The following EPHA7 variants were observed in gnomAD, a reference collection of about 807,000 sequenced individuals.
The protein encoded by EPHA7 is EPH receptor A7.
Under a neutral mutation model 112.6 loss-of-function variants are expected in EPHA7, and 25 were observed. That is an observed-to-expected ratio of 0.22 (90% CI 0.16 to 0.31). The LOEUF is 0.31. Among genes scored for constraint, EPHA7 ranks in the 10% least tolerant of loss-of-function variants. The pLI is 1.00. For synonymous variants in EPHA7, 437 were observed against 406.5 expected (o/e 1.07, Z -0.90); for missense variants, 962 against 1,212.6 (o/e 0.79, Z 3.07).
At chr6:93,370,653 C>A (rs1776742329) in intron 3 of EPHA7, among the ~76,000 whole-genome samples, 1 of 152,156 alleles carries the variant, frequency 6.6e-6, no homozygotes, top group Non-Finnish European at 1.5e-5. Context: ...TATATTCACA[C>A]ACCCTTCTGT....
chr6:93,351,909 C>T (rs956344557), intron 5 of EPHA7, among the ~76,000 whole-genome samples: 12 of 151,966 alleles, frequency 7.9e-5, no homozygotes, highest in South Asian at 6.2e-4. Flanking sequence ...TACAATATGA[C>T]GAGTCAAATA....
At chr6:93,403,715 TTTAAATTGATATTTTAAG>T (rs1304354043) in intron 3 of EPHA7, among the ~76,000 whole-genome samples, 1 of 149,866 alleles carries the variant, frequency 6.7e-6, no homozygotes, top group Non-Finnish European at 1.5e-5. Flanking sequence ...ATACGTGGTA[TTTAAATTGATATTTTAAG>T]GAAAGGCAGA....
At chr6:93,310,037 G>A (rs931041511) in intron 5 of EPHA7, among the ~76,000 whole-genome samples, 1 of 152,100 alleles carries the variant, frequency 6.6e-6, no homozygotes, top group African/African-American at 2.4e-5. Flanking sequence ...GCTTTATCAG[G>A]CATCTAGCAA....
At chr6:93,272,657 G>GT (rs1310370436) in intron 5 of EPHA7, among the ~76,000 whole-genome samples, 2 of 151,918 alleles carry the variant, frequency 1.3e-5, no homozygotes, top group African/African-American at 4.8e-5. Context: ...CATTGTTCAA[G>GT]TTAGTGAAAA....
At chr6:93,267,847 A>T (rs1280570044) in intron 7 of EPHA7, among the ~76,000 whole-genome samples, 1 of 151,728 alleles carries the variant, frequency 6.6e-6, no homozygotes. Flanking sequence ...AAACTTTTGA[A>T]ATCTAAAAGT....
intron 1 of EPHA7, among the ~76,000 whole-genome samples, chr6:93,416,409 T>C (rs1477530878): frequency 6.6e-6 from 1 of 152,108 alleles, no homozygotes; most frequent in African/African-American, 2.4e-5. Context: ...TTTCTGAGAG[T>C]GAAATAAACA....
rs1411865830 is a variant in EPHA7, at chr6:93,274,576, A to G, written c.1325-2154T>C. 2.0e-5 allele frequency among the ~76,000 whole-genome samples: 3 copies of G among 152,034 alleles called. No individual in the cohort carries two copies. The East Asian group carries it at 5.8e-4, about 30-fold the overall frequency. Reference sequence around the variant, plus strand: ...TGCTGCAACGTATTTTCCCTTTTGCACAGGATCCATATCTGTAAGTGAATA... The same window carrying G: ...TGCTGCAACGTATTTTCCCTTTTGCGCAGGATCCATATCTGTAAGTGAATA... On this transcript the variant is annotated intron_variant, in intron 5 of 16. Coordinates refer to ENST00000369303, the MANE Select transcript of EPHA7 (RefSeq NM_004440.4).
intron 5 of EPHA7, among the ~76,000 whole-genome samples, chr6:93,339,499 T>C (rs1562107833): frequency 1.3e-5 from 2 of 151,820 alleles, no homozygotes; most frequent in Non-Finnish European, 3.0e-5. Context: ...AAACATTTTT[T>C]CATATATTGC....
chr6:93,251,039 A>G (rs1370652223), intron 14 of EPHA7, among the ~76,000 whole-genome samples: 5 of 152,106 alleles, frequency 3.3e-5, no homozygotes, highest in Admixed American at 2.6e-4. Flanking sequence ...TAATAACTCA[A>G]AATGGCATAT....
intron 2 of EPHA7, among the ~76,000 whole-genome samples, chr6:93,413,359 G>A (rs1173670918): frequency 6.6e-6 from 1 of 151,818 alleles, no homozygotes; most frequent in African/African-American, 2.4e-5. Flanking sequence ...GTCATAATTT[G>A]TCATTTTGTG....
At position 93,333,108 on chromosome 6, in the gene EPHA7, T is replaced by G. The variant is rs540200063; in HGVS notation, c.1324+23609A>C. 5.3e-4 allele frequency among the ~76,000 whole-genome samples: 81 copies of G among 151,952 alleles called. 3 individuals carry two copies. In the South Asian group the frequency reaches 0.016, roughly 31 times the overall value. The stretch of plus-strand genomic sequence containing the variant: ...TGTCTCTCTGTACTCAGTGTTCAGC[T>G]TCCACTTGTAAGTGAGAACATGTAC... On this transcript the variant is annotated intron_variant, in intron 5 of 16. Coordinates refer to ENST00000369303, the MANE Select transcript of EPHA7 (RefSeq NM_004440.4).
At position 93,253,644 on chromosome 6, in the gene EPHA7, G is replaced by A. The variant is rs563803581; in HGVS notation, c.2532+1003C>T. On this transcript the variant is annotated intron_variant, in intron 14 of 16. Transcript: ENST00000369303. ...ATCTTCATTTCTAATTACCACAAGT[G>A]TACTACATCTCTGTTATAGAAAAGT... Among the ~76,000 whole-genome samples the A allele has an allele frequency of 7.2e-5, 11 of 152,068 alleles. No homozygotes were observed. The East Asian group carries it at 1.7e-3, about 24-fold the overall frequency.
intron 5 of EPHA7, among the ~76,000 whole-genome samples, chr6:93,279,722 A>G (rs1771640171): frequency 1.3e-5 from 2 of 152,170 alleles, no homozygotes; most frequent in East Asian, 3.8e-4. Context: ...CTTGTGTCAG[A>G]TGTACATCAA....
chr6:93,311,996 TA>T (rs1773565645), intron 5 of EPHA7, among the ~76,000 whole-genome samples: 1 of 152,116 alleles, frequency 6.6e-6, no homozygotes, highest in African/African-American at 2.4e-5. Flanking sequence ...ACAGAGGGCT[TA>T]AAACATTCAG....
intron 3 of EPHA7, among the ~76,000 whole-genome samples, chr6:93,374,284 C>T (rs1031805456): frequency 2.0e-5 from 3 of 152,064 alleles, no homozygotes; most frequent in Admixed American, 6.6e-5. Flanking sequence ...TCTTCCCACT[C>T]CTCTATTTTA....
rs1049107381 is a variant in EPHA7 at position 93,371,740 on chromosome 6, A to G, written c.833-13329T>C. 7.9e-5 allele frequency among the ~76,000 whole-genome samples: 12 copies of G among 152,234 alleles called. 1 individual carries two copies. Among genetic ancestry groups the G allele is most frequent in the Admixed American group, 6.5e-4 (10 of 15,282 alleles). On this transcript the variant is annotated intron_variant, in intron 3 of 16. Coordinates refer to ENST00000369303, the MANE Select transcript of EPHA7 (RefSeq NM_004440.4). ...ATTCTACCTCTATATTAATGGTGCT[A>G]TAAACGAATATGTATAGAGAGCTGA...
At chr6:93,283,418 C>T (rs1251736382) in intron 5 of EPHA7, among the ~76,000 whole-genome samples, 1 of 152,086 alleles carries the variant, frequency 6.6e-6, no homozygotes, top group African/African-American at 2.4e-5. Flanking sequence ...CTCAGGTCCC[C>T]TTCCACACTG....
At chr6:93,261,290 G>A (rs1189736818) in intron 9 of EPHA7, among the ~76,000 whole-genome samples, 2 of 151,516 alleles carry the variant, frequency 1.3e-5, no homozygotes, top group African/African-American at 4.8e-5. Context: ...ATTAAATTCA[G>A]TGCTCTAAAA....
intron 3 of EPHA7, among the ~76,000 whole-genome samples, chr6:93,403,862 G>C (rs1005061197): frequency 6.6e-6 from 1 of 151,980 alleles, no homozygotes; most frequent in African/African-American, 2.4e-5. Context: ...TGAAAAAGAA[G>C]CTAGGGAAGC....
Sources: gnomAD v4.1 joint callset for allele counts (sites outside exome capture counted in the v4.1 genomes callset) on GRCh38, gnomAD v4.1.1 for gene constraint, MANE v1.5 for transcripts, NCBI Gene and HGNC (gene_info 2026-07-23, HGNC 2026-07-21) for gene names.